CASR: variants seen among roughly 807,000 people sequenced by gnomAD.
CASR encodes the protein calcium sensing receptor, also known as extracellular calcium-sensing receptor.
CASR carries 23 observed loss-of-function variants against 69.1 expected under a neutral mutation model. The ratio of observed to expected loss-of-function variants is 0.33; its 90% CI spans 0.24 to 0.47. The LOEUF is 0.47. CASR is among the 20% of genes least tolerant of loss of function. The pLI is 1.00. For missense variants in CASR, 924 were observed against 1,356.1 expected (o/e 0.68, Z 5.00); for synonymous variants, 541 against 544.7 (o/e 0.99, Z 0.10).
chr3:122,211,861 T>G (rs979673692), intron 1 of CASR, among the ~76,000 whole-genome samples: 2 of 152,330 alleles, frequency 1.3e-5, no homozygotes, highest in African/African-American at 4.8e-5. Flanking sequence ...CACAATGAGA[T>G]ATTATCTCAT....
chr3:122,233,903 A>T (rs1430194700), intron 1 of CASR, among the ~76,000 whole-genome samples: 2 of 151,970 alleles, frequency 1.3e-5, no homozygotes, highest in Non-Finnish European at 2.9e-5. Context: ...CACACAACCT[A>T]CTCTATTCAT....
intron 1 of CASR, among the ~76,000 whole-genome samples, chr3:122,208,014 T>G (rs1240090051): frequency 2.6e-5 from 4 of 152,154 alleles, no homozygotes; most frequent in African/African-American, 9.7e-5. Context: ...AATGTGTTAT[T>G]ATTATAGCAA....
intron 1 of CASR, among the ~76,000 whole-genome samples, chr3:122,218,101 G>A (rs1454681911): frequency 6.6e-6 from 1 of 151,980 alleles, no homozygotes; most frequent in Non-Finnish European, 1.5e-5. Context: ...CAAAGATCCT[G>A]CCACTGCAAG....
intron 1 of CASR, among the ~76,000 whole-genome samples, chr3:122,231,062 C>A (rs965498601): frequency 1.3e-5 from 2 of 152,174 alleles, no homozygotes; most frequent in Admixed American, 1.3e-4. Flanking sequence ...TGAGGGTCAT[C>A]ATCCACCTGC....
intron 1 of CASR, among the ~76,000 whole-genome samples, chr3:122,238,747 G>A (rs976641760): frequency 6.6e-6 from 1 of 152,212 alleles, no homozygotes; most frequent in African/African-American, 2.4e-5. Context: ...AGCCAAGGTA[G>A]GATAGAGCAC....
At chr3:122,196,519 TTTTGTTTG>T (rs548881532) in intron 1 of CASR, among the ~76,000 whole-genome samples, 2 of 151,916 alleles carry the variant, frequency 1.3e-5, no homozygotes, top group African/African-American at 4.8e-5. Flanking sequence ...TTTTGGGGTT[TTTTGTTTG>T]TTTGTTTGTT....
rs202045621 is a variant in CASR, at chr3:122,285,278, C to T, written c.*87C>T. The T allele has an allele frequency of 2.0e-4, 251 of 1,249,532 alleles. 1 individual carries two copies. In the East Asian group the frequency reaches 3.5e-3, roughly 17 times the overall value. 77.4% of individuals were successfully genotyped at this position (1,249,532 alleles called of 1,614,324 possible). A position where few individuals can be genotyped will look rare whatever the true frequency, so the allele number is the denominator to read the frequency against. ...AGGAATCGCCCCAGACTCCTTTCCT[C>T]TGAGGAAGAAGGGATAATAGACACA... On this transcript the variant is annotated 3_prime_UTR_variant, in exon 7 of 7. Coordinates refer to ENST00000639785, the MANE Select transcript of CASR (RefSeq NM_000388.4).
intron 4 of CASR, among the ~76,000 whole-genome samples, chr3:122,268,087 T>C (rs2074714425): frequency 6.6e-6 from 1 of 152,192 alleles, no homozygotes; most frequent in Non-Finnish European, 1.5e-5. Flanking sequence ...TGGTTTAAAT[T>C]TTAATTGCCA....
chr3:122,224,054 G>A (rs1576832283), intron 1 of CASR, among the ~76,000 whole-genome samples: 2 of 152,130 alleles, frequency 1.3e-5, no homozygotes, highest in Non-Finnish European at 2.9e-5. Context: ...AATAGTAAGA[G>A]CCATCTGTGA....
intron 1 of CASR, among the ~76,000 whole-genome samples, chr3:122,232,308 C>T (rs530525401): frequency 6.1e-4 from 93 of 152,248 alleles, no homozygotes; most frequent in African/African-American, 2.1e-3. Flanking sequence ...GGGACTGTGG[C>T]AGGGAAGTGC....
At chr3:122,239,354 G>C (rs573468117) in intron 1 of CASR, among the ~76,000 whole-genome samples, 11 of 152,356 alleles carry the variant, frequency 7.2e-5, no homozygotes, top group South Asian at 4.1e-4. Context: ...AGGGAACAGT[G>C]AGAAGGACTT....
Position 122,257,316 on chromosome 3 carries a change from G to C in CASR, c.421G>C (p.Val141Leu). ...AGAGCACATTCCCTCTACGATTGCT[G>C]TGGTGGGAGCAACTGGCTCAGGCGT... ...CSEHIPSTIA[V>L]VGATGSGVST... The change falls in exon 3 of 7, where the codon GTG becomes CTG. Residue 141 changes from valine (V) to leucine (L), a missense_variant. Val to Leu is a conservative substitution (Grantham distance 32). Transcript: ENST00000639785. 6.2e-7 allele frequency: 1 copy of C among 1,614,160 alleles called. No individual in the cohort carries two copies. The highest frequency in any genetic ancestry group is 8.5e-7 in the Non-Finnish European group (1 of 1,179,988).
At chr3:122,226,546 T>C (rs934585643) in intron 1 of CASR, among the ~76,000 whole-genome samples, 1 of 152,194 alleles carries the variant, frequency 6.6e-6, no homozygotes, top group South Asian at 2.1e-4. Context: ...TATTCTCTTA[T>C]CTGGCCCCAC....
At chr3:122,230,349 T>C (rs1175916928) in intron 1 of CASR, among the ~76,000 whole-genome samples, 1 of 152,206 alleles carries the variant, frequency 6.6e-6, no homozygotes, top group Non-Finnish European at 1.5e-5. Context: ...CTCTCCTCCT[T>C]GCTGACGCTG....
At chr3:122,229,295 C>T (rs908597743) in intron 1 of CASR, among the ~76,000 whole-genome samples, 1 of 150,668 alleles carries the variant, frequency 6.6e-6, no homozygotes, top group Non-Finnish European at 1.5e-5. Context: ...AAATTCTCTA[C>T]TTTCCTACCA....
chr3:122,257,019 C>G, intron 2 of CASR, 62 bp from the exon 3 acceptor site: 1 of 1,433,714 alleles, frequency 7.0e-7, no homozygotes, highest in Admixed American at 1.7e-5. Flanking sequence ...TTTGCCAGGT[C>G]TTTACTCTAA....
chr3:122,226,316 G>A (rs561195960), intron 1 of CASR, among the ~76,000 whole-genome samples: 36 of 151,930 alleles, frequency 2.4e-4, no homozygotes, highest in African/African-American at 6.0e-4. Flanking sequence ...TTAAGGCAGC[G>A]TGTCTGGAGT....
Position 122,224,711 on chromosome 3 carries a change from C to T in CASR, c.-242-29237C>T, listed in dbSNP as rs144085831. Among the ~76,000 whole-genome samples, 128 of 152,186 alleles carry T rather than the reference C, an allele frequency of 8.4e-4. 2 individuals are homozygous for T. The East Asian group carries it at 0.011, about 13-fold the overall frequency. Reference sequence around the variant, plus strand: ...AGACTATTCTAAAATTCACGTAGAACCAAAAAAGACCCTGAATAGCCAAAA... The same window carrying T: ...AGACTATTCTAAAATTCACGTAGAATCAAAAAAGACCCTGAATAGCCAAAA... On this transcript the variant is annotated intron_variant, in intron 1 of 6. Coordinates refer to ENST00000639785, the MANE Select transcript of CASR (RefSeq NM_000388.4).
chr3:122,212,028 T>C (rs1247921945), intron 1 of CASR, among the ~76,000 whole-genome samples: 1 of 152,190 alleles, frequency 6.6e-6, no homozygotes, highest in African/African-American at 2.4e-5. Flanking sequence ...GAACGATAAA[T>C]AGCATTTGAC....
Sources: allele counts gnomAD v4.1 joint callset (sites outside exome capture counted in the v4.1 genomes callset), GRCh38; gene constraint gnomAD v4.1.1; transcripts MANE v1.5; gene names NCBI Gene and HGNC (gene_info 2026-07-23, HGNC 2026-07-21).